Variants in STEAP2 observed in about 807,000 individuals in gnomAD.
STEAP2 encodes STEAP2 metalloreductase, also known as metalloreductase STEAP2.
Under a neutral mutation model 46.4 loss-of-function variants are expected in STEAP2, and 30 were observed. The ratio of observed to expected loss-of-function variants is 0.65; its 90% CI spans 0.48 to 0.88. STEAP2 has a LOEUF of 0.88. STEAP2 is among the 40% of genes least tolerant of loss of function. The probability of loss-of-function intolerance (pLI) is 0.00; values close to 1 mark genes in which losing one functional copy is unlikely to be tolerated. For synonymous variants in STEAP2, 180 were observed against 200.5 expected, an observed-to-expected ratio of 0.90 and a Z score of 0.86; for missense variants, 513 against 579.3, an observed-to-expected ratio of 0.89 and a Z score of 1.18.
intron 2 of STEAP2, among the ~76,000 whole-genome samples, chr7:90,220,582 GT>G (rs1795214353): frequency 6.6e-6 from 1 of 151,834 alleles, no homozygotes; most frequent in African/African-American, 2.4e-5. Flanking sequence ...AAAACTTTTT[GT>G]TTCATCCATC....
rs890049192 is a variant in STEAP2 at position 90,232,599 on chromosome 7, C to T, written c.1448C>T (p.Ser483Phe). Residue 483 changes from serine to phenylalanine, a missense_variant, in exon 6 of 6, where the codon TCC becomes TTC. By Grantham distance (155) the Ser-to-Phe change is radical. Transcript: ENST00000394621. ...EGMGGTIPHV[S>F]PERVTVM ...ATGGGAGGAACAATTCCTCATGTCTCCCCGGAGAGGGTCACAGTAATGTGA... is the reference window on the plus strand; with the variant it reads ...ATGGGAGGAACAATTCCTCATGTCTTCCCGGAGAGGGTCACAGTAATGTGA... The T allele has an allele frequency of 3.1e-6, 5 of 1,612,008 alleles. No homozygotes were observed. The highest frequency in any genetic ancestry group is 1.3e-5 in the African/African-American group (1 of 74,830).
Position 90,236,997 on chromosome 7 carries a change from C to A in STEAP2, c.*4373C>A. 1 of 1,604,374 alleles carries A rather than the reference C, an allele frequency of 6.2e-7. No individual in the cohort carries two copies. ...CTGCCCATTACATTCCTCAGCTGTC[C>A]TTGCAGTTAGGTGTACATGTGACTG... On this transcript the variant is annotated 3_prime_UTR_variant, in exon 6 of 6. Coordinates refer to ENST00000394621, the MANE Select transcript of STEAP2 (RefSeq NM_001244944.2).
intron 3 of STEAP2, among the ~76,000 whole-genome samples, chr7:90,226,146 A>G (rs1795481398): frequency 6.6e-6 from 1 of 152,198 alleles, no homozygotes; most frequent in South Asian, 2.1e-4. Context: ...CAGTGGATAT[A>G]GAATAAGCAA....
chr7:90,219,852 G>C (rs17863957), intron 2 of STEAP2, among the ~76,000 whole-genome samples: 4,444 of 152,142 alleles, frequency 0.029, 96 homozygotes, highest in Middle Eastern at 0.061. Flanking sequence ...CTCAGCTCCC[G>C]AGTACTAGGA....
chr7:90,215,082 G>T (rs1026481545), intron 1 of STEAP2, among the ~76,000 whole-genome samples: 2 of 152,146 alleles, frequency 1.3e-5, no homozygotes, highest in Admixed American at 1.3e-4. Flanking sequence ...ACAGGGAGAG[G>T]GTATGGTGAA....
At chr7:90,223,767 T>C (rs551146996) in intron 2 of STEAP2, among the ~76,000 whole-genome samples, 9 of 152,202 alleles carry the variant, frequency 5.9e-5, no homozygotes, top group African/African-American at 2.2e-4. Flanking sequence ...CATTGTAAGA[T>C]GTAGGGTGAA....
At chr7:90,225,639 TCAAACATTTTAATAC>T (rs1795458268) in intron 3 of STEAP2, 65 bp downstream of exon 3, 1 of 1,471,544 alleles carries the variant, frequency 6.8e-7, no homozygotes, top group Admixed American at 2.4e-5. Context: ...TAAGCAAATA[TCAAACATTTTAATAC>T]CAAACTCTGA....
At chr7:90,229,727 C>T in intron 4 of STEAP2, 145 bp from the exon 5 acceptor site, 1 of 1,288,246 alleles carries the variant, frequency 7.8e-7, no homozygotes. Flanking sequence ...GTAACAGGTT[C>T]TCTGTAATGG....
intron 2 of STEAP2, among the ~76,000 whole-genome samples, chr7:90,221,575 A>G (rs934583910): frequency 2.6e-5 from 4 of 152,086 alleles, no homozygotes; most frequent in Admixed American, 6.6e-5. Context: ...TTACTAGTCC[A>G]TATCTTTTCA....
chr7:90,242,713 G>A (rs538833756), downstream of STEAP2, among the ~76,000 whole-genome samples: 2 of 152,268 alleles, frequency 1.3e-5, no homozygotes, highest in African/African-American at 4.8e-5. Context: ...CTTTCCCTAG[G>A]TGGAAGCAAC....
Position 90,237,122 on chromosome 7 carries a change from C to G in STEAP2, c.*4498C>G. The G allele has an allele frequency of 1.5e-6, 1 of 658,190 alleles. No individual in the cohort carries two copies. Among genetic ancestry groups the G allele is most frequent in the African/African-American group, 1.9e-5 (1 of 53,704 alleles). The allele number at this position is 658,190 out of a possible 1,614,324, so 40.8% of individuals were successfully genotyped here. On this transcript the variant is annotated 3_prime_UTR_variant, in exon 6 of 6. Coordinates refer to ENST00000394621, the MANE Select transcript of STEAP2 (RefSeq NM_001244944.2). ...TGGGATTGTGGATATAACAGGAGCCCTGGCAGCTGTCTCCAGAGGATCAAA... is the reference window on the plus strand; with the variant it reads ...TGGGATTGTGGATATAACAGGAGCCGTGGCAGCTGTCTCCAGAGGATCAAA...
chr7:90,232,451 C>T lies in STEAP2; in HGVS notation c.1300C>T (p.Leu434Phe). 3 of 1,613,690 alleles carry T rather than the reference C, an allele frequency of 1.9e-6. No individual in the cohort carries two copies. Among genetic ancestry groups the T allele is most frequent in the Non-Finnish European group, 2.5e-6 (3 of 1,179,730 alleles). Residue 434 changes from leucine to phenylalanine, a missense_variant, in exon 6 of 6, where the codon CTT (leucine) becomes TTT (phenylalanine). Physicochemically the swap from Leu to Phe is conservative, Grantham distance 22. Coordinates refer to ENST00000394621, the MANE Select transcript of STEAP2 (RefSeq NM_001244944.2). ...YRFYTPPNFVLALVLPSIVIL... is the reference protein window; with the variant it reads ...YRFYTPPNFVFALVLPSIVIL... ...ATTTTATACACCACCAAACTTTGTT[C>T]TTGCTCTTGTTTTGCCCTCAATTGT...
chr7:90,239,397 A>G (rs1487079845), downstream of STEAP2, among the ~76,000 whole-genome samples: 1 of 152,230 alleles, frequency 6.6e-6, no homozygotes, highest in Non-Finnish European at 1.5e-5. Flanking sequence ...TCTGTTGTTA[A>G]AGCCACCCAG....
At position 90,235,932 on chromosome 7, in the gene STEAP2, C is replaced by T; in HGVS notation, c.*3308C>T. ...TTGGCTAATGAGCTCTAGTGTTAAA[C>T]TACCTGATTAATTTCTTATAAAGCA... On this transcript the variant is annotated 3_prime_UTR_variant, in exon 6 of 6. Coordinates refer to ENST00000394621, the MANE Select transcript of STEAP2 (RefSeq NM_001244944.2). 2 of 983,518 alleles carry T rather than the reference C, an allele frequency of 2.0e-6. No individual in the cohort carries two copies. The highest frequency in any genetic ancestry group is 2.4e-6 in the Non-Finnish European group (2 of 828,286). The allele number at this position is 983,518 out of a possible 1,614,324, so 60.9% of individuals were successfully genotyped here. A position where few individuals can be genotyped will look rare whatever the true frequency, so the allele number is the denominator to read the frequency against.
In STEAP2 at chr7:90,236,150, G is replaced by T. The variant is rs922216737; in HGVS notation, c.*3526G>T. The T allele has an allele frequency of 2.2e-5, 15 of 688,748 alleles. No homozygotes were observed. In the East Asian group the frequency reaches 2.1e-3, roughly 95 times the overall value. The allele number at this position is 688,748 out of a possible 1,614,324, so 42.7% of individuals were successfully genotyped here. ...ACTTAATTCTTCTAAATTACCACTT[G>T]CCATTAAGCTATTTCATAATAAATT... On this transcript the variant is annotated 3_prime_UTR_variant, in exon 6 of 6. Transcript: ENST00000394621.
chr7:90,234,541 A>G lies in STEAP2; in HGVS notation c.*1917A>G. ...CTCTTGGTGAATTTTATTATCTTGT[A>G]CCCTCTTTTTTTTTTTTTTTTTTTT... On this transcript the variant is annotated 3_prime_UTR_variant, in exon 6 of 6. Coordinates refer to ENST00000394621, the MANE Select transcript of STEAP2 (RefSeq NM_001244944.2). 1 of 834,288 alleles carries G rather than the reference A, an allele frequency of 1.2e-6. No homozygotes were observed. The highest frequency in any genetic ancestry group is 1.4e-6 in the Non-Finnish European group (1 of 714,972). The allele number at this position is 834,288 out of a possible 1,614,324, so 51.7% of individuals were successfully genotyped here. A position where few individuals can be genotyped will look rare whatever the true frequency, so the allele number is the denominator to read the frequency against.
At chr7:90,213,118 CTA>C (rs1433477349) in intron 1 of STEAP2, among the ~76,000 whole-genome samples, 1 of 152,112 alleles carries the variant, frequency 6.6e-6, no homozygotes, top group Non-Finnish European at 1.5e-5. Flanking sequence ...TAAAGAGTAA[CTA>C]TGTGTGCTGC....
Position 90,233,440 on chromosome 7 carries a change from G to T in STEAP2, c.*816G>T, listed in dbSNP as rs1419248109. The T allele has an allele frequency of 1.0e-6, 1 of 985,212 alleles. No homozygotes were observed. The highest frequency in any genetic ancestry group is 1.7e-5 in the African/African-American group (1 of 57,192). 61.0% of individuals were successfully genotyped at this position (985,212 alleles called of 1,614,324 possible). A position where few individuals can be genotyped will look rare whatever the true frequency, so the allele number is the denominator to read the frequency against. On this transcript the variant is annotated 3_prime_UTR_variant, in exon 6 of 6. Coordinates refer to ENST00000394621, the MANE Select transcript of STEAP2 (RefSeq NM_001244944.2). Reference sequence around the variant, plus strand: ...ATACTAGTTCCTACTTAGAACAAAAGTATCAAGTTTGCACACAAGTAATCT... The same window carrying T: ...ATACTAGTTCCTACTTAGAACAAAATTATCAAGTTTGCACACAAGTAATCT...
downstream of STEAP2, chr7:90,238,170 A>G (rs200741466): frequency 5.4e-5 from 39 of 716,994 alleles, no homozygotes; most frequent in Admixed American, 5.0e-4. Context: ...CCACACTGCT[A>G]TATGTTGAGG....
Sources: allele counts gnomAD v4.1 joint callset (sites outside exome capture counted in the v4.1 genomes callset), GRCh38; gene constraint gnomAD v4.1.1; transcripts MANE v1.5; gene names NCBI Gene and HGNC (gene_info 2026-07-23, HGNC 2026-07-21).